Variants in SGCB observed in about 807,000 individuals in gnomAD.
The protein encoded by SGCB is sarcoglycan beta.
SGCB carries 25 observed loss-of-function variants against 27.3 expected under a neutral mutation model. The observed-to-expected ratio is 0.92, with a 90% CI of 0.67 to 1.28. The LOEUF (loss-of-function observed/expected upper bound fraction) is 1.28, where lower values mean the gene tolerates loss of function less well. Among genes scored for constraint, SGCB ranks in the 50% most tolerant of loss-of-function variants. The pLI is 0.00. For synonymous variants in SGCB, 147 were observed against 133.5 expected, an observed-to-expected ratio of 1.10 and a Z score of -0.70; for missense variants, 436 against 402.1, an observed-to-expected ratio of 1.08 and a Z score of -0.72.
chr4:52,029,676 A>T lies in SGCB; in HGVS notation c.429+2T>A. 6.2e-7 allele frequency: 1 copy of T among 1,605,040 alleles called. No individual in the cohort carries two copies. The highest frequency in any genetic ancestry group is 8.5e-7 in the Non-Finnish European group (1 of 1,171,744). ...TTTCTTTCAGTTAATGTGGCAACTT[A>T]CAGGCTGGTTGTTGCCAGTGATGAC... On this transcript the variant is annotated splice_donor_variant, in intron 3 of 5. Transcript: ENST00000381431. LOFTEE classifies it high-confidence loss of function.
At chr4:52,026,238 T>C (rs996919079) in intron 5 of SGCB, among the ~76,000 whole-genome samples, 1 of 151,102 alleles carries the variant, frequency 6.6e-6, no homozygotes, top group African/African-American at 2.4e-5. Context: ...TTTAAATTGT[T>C]TTTTGTTGTT....
At chr4:52,026,455 C>T (rs546440907) in intron 5 of SGCB, among the ~76,000 whole-genome samples, 1 of 151,950 alleles carries the variant, frequency 6.6e-6, no homozygotes, top group South Asian at 2.1e-4. Flanking sequence ...GACGGGGTTT[C>T]GCCATGTTGG....
intron 2 of SGCB, among the ~76,000 whole-genome samples, chr4:52,032,236 C>T (rs1737267671): frequency 6.6e-6 from 1 of 152,160 alleles, no homozygotes; most frequent in African/African-American, 2.4e-5. Context: ...TCTTGCCTCA[C>T]TTCTGCTTTT....
Position 52,028,853 on chromosome 4 carries a change from G to A in SGCB, c.498C>T (p.Ile166=), listed in dbSNP as rs748602445. 1.8e-5 allele frequency: 29 copies of A among 1,613,380 alleles called. 1 individual carries two copies. In the Middle Eastern group the frequency reaches 2.3e-3, roughly 128 times the overall value. The part of the protein sequence containing the change: ...ENNKTSITSD[I]GMQFFDPRTQ... ...TCCTCGGGTCAAAAAACTGCATGCC[G>A]ATGTCACTTGTAATAGAAGTTTTGT... The change falls in exon 4 of 6, where the codon ATC becomes ATT. Residue 166 remains isoleucine, a synonymous_variant. Coordinates refer to ENST00000381431, the MANE Select transcript of SGCB (RefSeq NM_000232.5).
chr4:52,038,236 A>G lies in SGCB; in HGVS notation c.24T>C (p.Ala8=), dbSNP rs2109380841. 3 of 1,286,250 alleles carry G rather than the reference A, an allele frequency of 2.3e-6. No homozygotes were observed. Among genetic ancestry groups the G allele is most frequent in the Non-Finnish European group, 2.0e-6 (2 of 1,012,906 alleles). 79.7% of individuals were successfully genotyped at this position (1,286,250 alleles called of 1,614,324 possible). MAAAAAA[A]AEQQSSNGPV... ...GGCGGTACTCACAGACCTGTTCTGCAGCCGCCGCCGCCGCTGCCGCCATCT... is the reference window on the plus strand; with the variant it reads ...GGCGGTACTCACAGACCTGTTCTGCGGCCGCCGCCGCCGCTGCCGCCATCT... The change falls in exon 1 of 6, where the codon GCT becomes GCC. Residue 8 remains alanine, a synonymous_variant. Transcript: ENST00000381431.
rs1225812140 is a variant in SGCB, at chr4:52,024,173, T to C, written c.754-13A>G. ...TGATACTGTTTTCCTATTAGGAGAATAGTAATATGATTTATTTACCTCCAT... is the reference window on the plus strand; with the variant it reads ...TGATACTGTTTTCCTATTAGGAGAACAGTAATATGATTTATTTACCTCCAT... On this transcript the variant is annotated splice_polypyrimidine_tract_variant and intron_variant, in intron 5 of 5. Coordinates refer to ENST00000381431, the MANE Select transcript of SGCB (RefSeq NM_000232.5). 8 of 1,599,382 alleles carry C rather than the reference T, an allele frequency of 5.0e-6. No individual in the cohort carries two copies. Among genetic ancestry groups the C allele is most frequent in the African/African-American group, 4.0e-5 (3 of 74,630 alleles).
chr4:52,025,451 C>T (rs567087493), intron 5 of SGCB, among the ~76,000 whole-genome samples: 8 of 152,212 alleles, frequency 5.3e-5, no homozygotes, highest in Non-Finnish European at 1.0e-4. Context: ...ACAGTGTCTG[C>T]AAAGGCCCCG....
At chr4:52,038,204 C>T in intron 1 of SGCB, 23 bp downstream of exon 1, 1 of 1,233,476 alleles carries the variant, frequency 8.1e-7, no homozygotes, top group Non-Finnish European at 1.0e-6. Context: ...CTCCAGCCCG[C>T]GGCCGCGGCG....
chr4:52,023,704 T>C lies in SGCB; in HGVS notation c.*253A>G. On this transcript the variant is annotated 3_prime_UTR_variant, in exon 6 of 6. Coordinates refer to ENST00000381431, the MANE Select transcript of SGCB (RefSeq NM_000232.5). ...AATTTTAAAAACACGTCTTTAAACA[T>C]GACTTTTGATTTTATTTGCTTCTCA... 2 of 447,296 alleles carry C rather than the reference T, an allele frequency of 4.5e-6. No individual in the cohort carries two copies. Among genetic ancestry groups the C allele is most frequent in the East Asian group, 4.3e-5 (1 of 23,070 alleles). 27.7% of individuals were successfully genotyped at this position (447,296 alleles called of 1,614,324 possible).
chr4:52,028,730 C>G lies in SGCB; in HGVS notation c.621G>C (p.Arg207Ser). Residue 207 changes from arginine (R) to serine (S), a missense_variant and splice_region_variant, in exon 4 of 6, where the codon AGG (arginine) becomes AGC (serine). Transcript: ENST00000381431. ...GTAAAACAAAGCCAATAAATCATAC[C>G]CTTTCAGTAGATGCCTTTTGAACAT... ...SLNVQKASTERITSNATSDLN... is the reference protein window; with the variant it reads ...SLNVQKASTESITSNATSDLN... 6.2e-7 allele frequency: 1 copy of G among 1,602,206 alleles called. No individual in the cohort carries two copies.
At chr4:52,026,388 AG>A in intron 5 of SGCB, among the ~76,000 whole-genome samples, 1 of 150,020 alleles carries the variant, frequency 6.7e-6, no homozygotes, top group South Asian at 2.1e-4. Context: ...CCTCCCGGGT[AG>A]CTGGGATTAC....
At chr4:52,024,198 T>C in intron 5 of SGCB, 38 bp from the exon 6 acceptor site, 6 of 1,506,618 alleles carry the variant, frequency 4.0e-6, no homozygotes, top group Non-Finnish European at 5.5e-6. Context: ...TTTACCTCCA[T>C]GAGGGGGTAC....
chr4:52,026,444 A>G (rs1439767754), intron 5 of SGCB, among the ~76,000 whole-genome samples: 1 of 151,514 alleles, frequency 6.6e-6, no homozygotes, highest in African/African-American at 2.4e-5. Context: ...TTTTTAGTAG[A>G]GACGGGGTTT....
Position 52,028,013 on chromosome 4 carries a change from G to A in SGCB, c.708C>T (p.Gly236=), listed in dbSNP as rs770295146. Residue 236 remains glycine, a synonymous_variant, in exon 5 of 6, where the codon GGC becomes GGT. Coordinates refer to ENST00000381431, the MANE Select transcript of SGCB (RefSeq NM_000232.5). ...VRGNEGVFIM[G]KTIEFHMGGN... Reference sequence around the variant, plus strand: ...CACCCATGTGAAATTCAATGGTTTTGCCCATAATGAATACACCTTCATTTC... The same window carrying A: ...CACCCATGTGAAATTCAATGGTTTTACCCATAATGAATACACCTTCATTTC... The A allele has an allele frequency of 1.5e-5, 24 of 1,613,436 alleles. No homozygotes were observed. The Admixed American group carries it at 3.2e-4, about 21-fold the overall frequency.
chr4:52,025,897 A>G (rs1737077065), intron 5 of SGCB, among the ~76,000 whole-genome samples: 1 of 152,196 alleles, frequency 6.6e-6, no homozygotes. Flanking sequence ...GTACAAGAAT[A>G]CTGAAAGAAA....
rs762652676 is a variant in SGCB, at chr4:52,029,842, C to T, written c.265G>A (p.Val89Met). The T allele has an allele frequency of 9.9e-6, 16 of 1,613,508 alleles. No homozygotes were observed. Among genetic ancestry groups the T allele is most frequent in the African/African-American group, 2.7e-5 (2 of 75,002 alleles). Residue 89 changes from valine (V) to methionine (M), a missense_variant, in exon 3 of 6, where the codon GTG becomes ATG. Physicochemically the swap from Val to Met is conservative, Grantham distance 21. Transcript: ENST00000381431. ...CAGCCATTTGGTCCAATGCGAATCA[C>T]GGCCCAAATAACAAGTGTTATCTGA... ...NLIITLVIWA[V>M]IRIGPNGCDS...
In SGCB at chr4:52,029,542, T is replaced by C. The variant is rs529301564; in HGVS notation, c.429+136A>G. 1.4e-5 allele frequency: 8 copies of C among 581,578 alleles called. No individual in the cohort carries two copies. In the African/African-American group the frequency reaches 1.5e-4, roughly 11 times the overall value. 36.0% of individuals were successfully genotyped at this position (581,578 alleles called of 1,614,324 possible). On this transcript the variant is annotated intron_variant, in intron 3 of 5. Coordinates refer to ENST00000381431, the MANE Select transcript of SGCB (RefSeq NM_000232.5). ...ACTGTATTCACTATATTCATACATT[T>C]ATAGATATATTATAAATATACTAAT...
intron 2 of SGCB, among the ~76,000 whole-genome samples, chr4:52,033,004 A>G (rs902930652): frequency 4.6e-5 from 7 of 152,234 alleles, no homozygotes; most frequent in African/African-American, 1.7e-4. Context: ...AAAGGGTTTA[A>G]AATTTTAAAA....
At chr4:52,038,200 C>T (rs1345229887) in intron 1 of SGCB, 27 bp downstream of exon 1, 4 of 1,231,318 alleles carry the variant, frequency 3.2e-6, no homozygotes, top group East Asian at 7.1e-5. Flanking sequence ...GCTCCTCCAG[C>T]CCGCGGCCGC....
Sources: gnomAD v4.1 joint callset for allele counts (sites outside exome capture counted in the v4.1 genomes callset) on GRCh38, gnomAD v4.1.1 for gene constraint, MANE v1.5 for transcripts, NCBI Gene and HGNC (gene_info 2026-07-23, HGNC 2026-07-21) for gene names.